Variants in OPRM1 observed in about 807,000 individuals in gnomAD.
OPRM1 encodes opioid receptor mu 1.
A neutral mutation model predicts 31.8 loss-of-function variants in OPRM1; 27 were observed. The observed-to-expected ratio is 0.85, with a 90% CI of 0.63 to 1.17. The LOEUF (loss-of-function observed/expected upper bound fraction) is 1.17, where lower values mean the gene tolerates loss of function less well. Ranked by LOEUF, OPRM1 falls within the 50% of genes most tolerant of loss-of-function variation. OPRM1 has a pLI of 0.00. For missense variants in OPRM1, 536 were observed against 511.1 expected (o/e 1.05, Z -0.47); for synonymous variants, 196 against 189.9 (o/e 1.03, Z -0.26).
At chr6:154,132,867 A>G (rs1363391803), downstream of OPRM1, among the ~76,000 whole-genome samples, 1 of 152,206 alleles carries the variant, frequency 6.6e-6, no homozygotes, top group Non-Finnish European at 1.5e-5. Flanking sequence ...CACGCCTGTA[A>G]TCCCAGCACT....
At chr6:154,166,989 C>G (rs948011030) in intron 3 of OPRM1, among the ~76,000 whole-genome samples, 2 of 151,982 alleles carry the variant, frequency 1.3e-5, no homozygotes, top group South Asian at 2.1e-4. Flanking sequence ...ATTTTTGTAG[C>G]CTTTTAGGGT....
At chr6:154,086,922 G>A (rs945285050) in intron 1 of OPRM1, 1 of 983,960 alleles carries the variant, frequency 1.0e-6, no homozygotes, top group South Asian at 4.7e-5. Flanking sequence ...TGAGCACCAA[G>A]GTCAATTATT....
At chr6:154,184,863 TTA>T (rs1243852989) in intron 3 of OPRM1, among the ~76,000 whole-genome samples, 2 of 152,184 alleles carry the variant, frequency 1.3e-5, no homozygotes, top group African/African-American at 4.8e-5. Flanking sequence ...TAATTAAAAC[TTA>T]AATACAGATA....
At chr6:154,094,582 G>A (rs1338526390) in intron 3 of OPRM1, among the ~76,000 whole-genome samples, 1 of 152,182 alleles carries the variant, frequency 6.6e-6, no homozygotes, top group South Asian at 2.1e-4. Flanking sequence ...TGATCTACAT[G>A]GCCTCAGCAA....
At position 154,243,472 on chromosome 6, in the gene OPRM1, G is replaced by C. The variant is rs75185719; in HGVS notation, c.1165-3221G>C. Among the ~76,000 whole-genome samples the C allele has an allele frequency of 2.7e-3, 409 of 152,286 alleles. 1 individual carries two copies. The highest frequency in any genetic ancestry group is 4.9e-3 in the Non-Finnish European group (331 of 68,024). On this transcript the variant is annotated intron_variant, in intron 3 of 3. Transcript: ENST00000337049. The stretch of plus-strand genomic sequence containing the variant: ...CAACGTGTGGTGAAAGAAAAAGGTA[G>C]ACTATGCATTGGGTAACTGGGTAGC...
At chr6:154,084,825 A>T (rs965590358) in intron 1 of OPRM1, among the ~76,000 whole-genome samples, 5 of 152,152 alleles carry the variant, frequency 3.3e-5, no homozygotes, top group African/African-American at 7.2e-5. Flanking sequence ...TAGCCCCAAA[A>T]GAGATGAAAC....
chr6:154,126,996 C>T lies in OPRM1; in HGVS notation c.*8275C>T, dbSNP rs1387181707. 6.6e-6 allele frequency among the ~76,000 whole-genome samples: 1 copy of T among 151,884 alleles called. No individual in the cohort carries two copies. The highest frequency in any genetic ancestry group is 2.4e-5 in the African/African-American group (1 of 41,318). On this transcript the variant is annotated 3_prime_UTR_variant, in exon 4 of 4. Coordinates refer to ENST00000330432, the MANE Select transcript of OPRM1 (RefSeq NM_000914.5). ...TGGTGGTGCACGCCTGTAATCCCAG[C>T]TAGTCGGGAGGCTGAGGCAGGAGAA...
chr6:154,076,408 A>G (rs1787891133), intron 1 of OPRM1, among the ~76,000 whole-genome samples: 1 of 152,266 alleles, frequency 6.6e-6, no homozygotes, highest in South Asian at 2.1e-4. Context: ...TGGTCAAAAA[A>G]TAAATTCATA....
intron 3 of OPRM1, among the ~76,000 whole-genome samples, chr6:154,231,689 C>T (rs971175310): frequency 1.3e-5 from 2 of 151,814 alleles, no homozygotes; most frequent in African/African-American, 2.4e-5. Flanking sequence ...GCTGTATTTG[C>T]GAAAAGAAAC....
chr6:154,212,024 T>C (rs1349085600), intron 3 of OPRM1, among the ~76,000 whole-genome samples: 7 of 152,174 alleles, frequency 4.6e-5, no homozygotes, highest in Non-Finnish European at 1.5e-5. Flanking sequence ...AATTAAATCA[T>C]ACTACTTCCA....
At chr6:154,171,345 C>G (rs1762953807) in intron 3 of OPRM1, among the ~76,000 whole-genome samples, 1 of 152,048 alleles carries the variant, frequency 6.6e-6, no homozygotes, top group Non-Finnish European at 1.5e-5. Flanking sequence ...AAACATTTTG[C>G]TAAGTAAAAG....
intron 3 of OPRM1, among the ~76,000 whole-genome samples, chr6:154,235,531 C>CAA (rs34877577): frequency 0.046 from 4,488 of 97,372 alleles, 384 homozygotes; most frequent in African/African-American, 0.14. Flanking sequence ...AACTCTGTCA[C>CAA]AAAAAAAAAA....
At chr6:154,037,724 G>A (rs1386176972), upstream of OPRM1, among the ~76,000 whole-genome samples, 1 of 152,034 alleles carries the variant, frequency 6.6e-6, no homozygotes, top group East Asian at 1.9e-4. Context: ...AGACATATGA[G>A]GTGAATATTA....
intron 3 of OPRM1, among the ~76,000 whole-genome samples, chr6:154,170,181 T>A (rs953275198): frequency 6.6e-6 from 1 of 152,230 alleles, no homozygotes; most frequent in Non-Finnish European, 1.5e-5. Context: ...TATTTTTCCT[T>A]TATTCCTTGG....
chr6:154,147,464 T>C (rs1000964284), intron 3 of OPRM1, among the ~76,000 whole-genome samples: 1 of 152,216 alleles, frequency 6.6e-6, no homozygotes, highest in South Asian at 2.1e-4. Flanking sequence ...TGCTGTTTGG[T>C]GTCCCAGGCC....
intron 3 of OPRM1, among the ~76,000 whole-genome samples, chr6:154,176,254 A>C (rs1005896170): frequency 6.6e-6 from 1 of 152,214 alleles, no homozygotes. Context: ...TCCCTTTGAA[A>C]ACTGGCATAA....
intron 3 of OPRM1, among the ~76,000 whole-genome samples, chr6:154,097,184 C>T (rs909761921): frequency 6.6e-6 from 1 of 152,112 alleles, no homozygotes; most frequent in African/African-American, 2.4e-5. Flanking sequence ...CGTGGCATGT[C>T]CTGCTAATTC....
downstream of OPRM1, among the ~76,000 whole-genome samples, chr6:154,133,792 TAGC>T (rs1261578241): frequency 6.6e-6 from 1 of 152,250 alleles, no homozygotes; most frequent in Non-Finnish European, 1.5e-5. Flanking sequence ...CTTGATTATC[TAGC>T]AGCGTAAGCC....
intron 1 of OPRM1, among the ~76,000 whole-genome samples, chr6:154,083,121 G>A (rs1043468036): frequency 6.6e-6 from 1 of 152,108 alleles, no homozygotes. Flanking sequence ...GGAAAGCAAG[G>A]TCTCTTGGCT....
Sources: allele counts gnomAD v4.1 joint callset (sites outside exome capture counted in the v4.1 genomes callset), GRCh38; gene constraint gnomAD v4.1.1; transcripts MANE v1.5; gene names NCBI Gene and HGNC (gene_info 2026-07-23, HGNC 2026-07-21).